The following WDR41 variants were observed in gnomAD, a reference collection of about 807,000 sequenced individuals.
WDR41 encodes WD repeat domain 41, also known as WD repeat-containing protein 41.
Under a neutral mutation model 69.3 loss-of-function variants are expected in WDR41, and 63 were observed. The observed-to-expected ratio is 0.91, with a 90% CI of 0.74 to 1.12. WDR41 has a LOEUF of 1.12. WDR41 is among the 50% of genes most tolerant of loss of function. WDR41 has a pLI of 0.00. For missense variants in WDR41, 543 were observed against 534.5 expected (o/e 1.02, Z -0.16); for synonymous variants, 185 against 192.1 (o/e 0.96, Z 0.31).
intron 2 of WDR41, among the ~76,000 whole-genome samples, chr5:77,475,343 T>G (rs1489512843): frequency 1.3e-5 from 2 of 152,198 alleles, no homozygotes; most frequent in Non-Finnish European, 2.9e-5. Context: ...CCTGCCTGCC[T>G]CTGTAGGCTC....
rs554179967 is a variant in WDR41 at position 77,492,299 on chromosome 5, C to T, written c.-79G>A. 5 of 1,581,848 alleles carry T rather than the reference C, an allele frequency of 3.2e-6. No individual in the cohort carries two copies. The highest frequency in any genetic ancestry group is 4.3e-6 in the Non-Finnish European group (5 of 1,162,558). ...CCCAGGCTCGGCCTCCTCCTTCCTC[C>T]CCGGCTGCAGCGCAACTGAGACGCT... On this transcript the variant is annotated 5_prime_UTR_variant, in exon 1 of 13. Transcript: ENST00000296679.
intron 2 of WDR41, among the ~76,000 whole-genome samples, chr5:77,475,098 G>C (rs143416941): frequency 6.6e-6 from 1 of 152,162 alleles, no homozygotes; most frequent in Admixed American, 6.5e-5. Context: ...CTAATACTGC[G>C]CTTTTCCGAC....
intron 2 of WDR41, among the ~76,000 whole-genome samples, chr5:77,487,916 G>T (rs1257420977): frequency 6.6e-6 from 1 of 152,188 alleles, no homozygotes; most frequent in African/African-American, 2.4e-5. Flanking sequence ...ATTCATTGGT[G>T]ATACACACTG....
chr5:77,611,356 G>C (rs1408484925), intron 1 of WDR41, among the ~76,000 whole-genome samples: 1 of 152,270 alleles, frequency 6.6e-6, no homozygotes, highest in Non-Finnish European at 1.5e-5. Context: ...AATATACATT[G>C]TTTTCAGCAC....
chr5:77,464,728 T>C (rs771199212), intron 3 of WDR41, 33 bp downstream of exon 3: 2 of 1,607,556 alleles, frequency 1.2e-6, no homozygotes, highest in South Asian at 2.2e-5. Context: ...CATCATATCT[T>C]TATCACACAA....
intron 10 of WDR41, among the ~76,000 whole-genome samples, chr5:77,437,709 AGCAGCCCCC>A (rs1353906390): frequency 6.6e-6 from 1 of 152,176 alleles, no homozygotes; most frequent in African/African-American, 2.4e-5. Flanking sequence ...CAATGTCCTA[AGCAGCCCCC>A]TTCCCTCCTC....
chr5:77,473,184 G>T (rs892370822), intron 2 of WDR41, among the ~76,000 whole-genome samples: 9 of 152,144 alleles, frequency 5.9e-5, no homozygotes, highest in Non-Finnish European at 8.8e-5. Flanking sequence ...ACAAAAACAA[G>T]AAATGGGGAA....
At chr5:77,509,090 T>C (rs550950636) in intron 1 of WDR41, among the ~76,000 whole-genome samples, 49 of 152,330 alleles carry the variant, frequency 3.2e-4, no homozygotes, top group African/African-American at 1.2e-3. Context: ...TAACTGTCCC[T>C]CTCTCTGGGT....
chr5:77,496,226 T>C (rs191919720), upstream of WDR41, among the ~76,000 whole-genome samples: 1 of 152,218 alleles, frequency 6.6e-6, no homozygotes, highest in East Asian at 1.9e-4. Flanking sequence ...ATGTCCTCTT[T>C]GACCACTGCT....
chr5:77,469,738 G>A (rs1254598451), intron 2 of WDR41, among the ~76,000 whole-genome samples: 1 of 92,552 alleles, frequency 1.1e-5, no homozygotes, highest in Non-Finnish European at 1.9e-5. Context: ...AGAAAAAAAG[G>A]ATAAAAAGAA....
chr5:77,509,705 C>T (rs552593229), intron 1 of WDR41, among the ~76,000 whole-genome samples: 2 of 152,130 alleles, frequency 1.3e-5, no homozygotes, highest in East Asian at 3.9e-4. Flanking sequence ...GGTAACAGGG[C>T]AATGGTAGCA....
intron 1 of WDR41, among the ~76,000 whole-genome samples, chr5:77,610,948 A>G (rs1225563303): frequency 2.0e-5 from 3 of 152,138 alleles, no homozygotes; most frequent in East Asian, 1.9e-4. Flanking sequence ...TCAAAATAAA[A>G]GGATGGAGGA....
At chr5:77,592,572 C>T (rs913191935) in intron 1 of WDR41, among the ~76,000 whole-genome samples, 12 of 152,102 alleles carry the variant, frequency 7.9e-5, no homozygotes, top group Admixed American at 2.6e-4. Flanking sequence ...CAGTTTATGA[C>T]TGCAAAAGTA....
Position 77,574,088 on chromosome 5 carries a change from A to G in WDR41, c.42+46391T>C, listed in dbSNP as rs575640470. ...AGAGGCAGGCGAATCACCTGAGGCC[A>G]GGAGTTCCAGACCAGCCTAGTCAAC... On this transcript the variant is annotated intron_variant, in intron 1 of 5. Coordinates refer to the WDR41 transcript ENST00000509971. Among the ~76,000 whole-genome samples the G allele has an allele frequency of 3.3e-5, 5 of 152,242 alleles. No homozygotes were observed. In the South Asian group the frequency reaches 6.2e-4, roughly 19 times the overall value.
intron 1 of WDR41, among the ~76,000 whole-genome samples, chr5:77,557,570 C>A (rs7727491): frequency 0.1 from 15,747 of 152,102 alleles, 1,702 homozygotes; most frequent in East Asian, 0.26. Flanking sequence ...TAAATGTTAG[C>A]GTGAGCCACT....
At chr5:77,453,973 A>G (rs764214747) in intron 5 of WDR41, 45 bp from the exon 6 acceptor site, 20 of 1,469,114 alleles carry the variant, frequency 1.4e-5, no homozygotes, top group African/African-American at 5.6e-5. Context: ...AAACTTAAGC[A>G]GTCATTGTTC....
intron 4 of WDR41, among the ~76,000 whole-genome samples, 157 bp from the exon 5 acceptor site, chr5:77,459,281 T>C (rs1227083073): frequency 6.6e-6 from 1 of 152,122 alleles, no homozygotes; most frequent in Non-Finnish European, 1.5e-5. Flanking sequence ...AATGAATTCA[T>C]ATAGTGAGTC....
intron 1 of WDR41, among the ~76,000 whole-genome samples, chr5:77,524,356 G>C (rs1313985665): frequency 6.6e-6 from 1 of 152,194 alleles, no homozygotes; most frequent in African/African-American, 2.4e-5. Context: ...GGGAGGCTGA[G>C]GCAGCAGGAT....
intron 4 of WDR41, among the ~76,000 whole-genome samples, chr5:77,462,719 G>GA (rs993805368): frequency 6.6e-6 from 1 of 151,852 alleles, no homozygotes; most frequent in African/African-American, 2.4e-5. Context: ...GTATAGTGGG[G>GA]AAAAAAAATG....
Sources: allele counts gnomAD v4.1 joint callset (sites outside exome capture counted in the v4.1 genomes callset), GRCh38; gene constraint gnomAD v4.1.1; transcripts MANE v1.5; gene names NCBI Gene and HGNC (gene_info 2026-07-23, HGNC 2026-07-21).